Variants in RMDN2 observed in about 807,000 individuals in gnomAD.
The protein encoded by RMDN2 is regulator of microtubule dynamics 2.
RMDN2 carries 61 observed loss-of-function variants against 52.8 expected under a neutral mutation model. The ratio of observed to expected loss-of-function variants is 1.16; its 90% CI spans 0.94 to 1.43. RMDN2 has a LOEUF of 1.43. RMDN2 is among the 40% of genes most tolerant of loss of function. The pLI is 0.00. For synonymous variants in RMDN2, 180 were observed against 153.1 expected (o/e 1.18, Z -1.30); for missense variants, 592 against 475.3 (o/e 1.25, Z -2.28).
intron 2 of RMDN2, among the ~76,000 whole-genome samples, chr2:37,963,891 G>T (rs2125028555): frequency 7.6e-6 from 1 of 132,356 alleles, no homozygotes; most frequent in East Asian, 2.0e-4. Context: ...AGCAGGGGCG[G>T]CGGGGCAGAG....
rs573614789 is a variant in RMDN2, at chr2:38,003,580, A to G, written c.1045-411A>G. ...GATAGATAGATAGATAGATAGATAG[A>G]TAGATAGATAGATAGATAGATAGGC... On this transcript the variant is annotated intron_variant, in intron 8 of 10. Coordinates refer to ENST00000354545, the MANE Select transcript of RMDN2 (RefSeq NM_001170791.3). Among the ~76,000 whole-genome samples the G allele has an allele frequency of 3.9e-5, 6 of 151,902 alleles. No individual in the cohort carries two copies. In the East Asian group the frequency reaches 9.7e-4, roughly 25 times the overall value.
Position 37,981,348 on chromosome 2 carries a change from G to A in RMDN2, c.791+5G>A, listed in dbSNP as rs1194654604. On this transcript the variant is annotated splice_donor_5th_base_variant and intron_variant, in intron 5 of 10. Transcript: ENST00000354545. ...GAATGGACATTGTCATCTGTGGTAA[G>A]TGTATAGGATTTATGCAGTCTTTTA... The A allele has an allele frequency of 6.3e-7, 1 of 1,589,206 alleles. No individual in the cohort carries two copies. The highest frequency in any genetic ancestry group is 1.1e-5 in the South Asian group (1 of 90,500).
At chr2:37,981,476 C>A in intron 5 of RMDN2, 133 bp downstream of exon 5, 1 of 619,084 alleles carries the variant, frequency 1.6e-6, no homozygotes, top group Non-Finnish European at 2.9e-6. Flanking sequence ...TGTATAATAG[C>A]ACAGTAACTG....
At chr2:38,065,352 A>T (rs1427295731) in intron 10 of RMDN2, among the ~76,000 whole-genome samples, 1 of 152,104 alleles carries the variant, frequency 6.6e-6, no homozygotes, top group African/African-American at 2.4e-5. Context: ...AGAGAAACAA[A>T]TGTAAGGAAA....
At chr2:37,951,448 CTTTA>C (rs1668780693) in intron 2 of RMDN2, 4 of 1,612,396 alleles carry the variant, frequency 2.5e-6, no homozygotes, top group African/African-American at 1.3e-5. Flanking sequence ...AGAAGATATT[CTTTA>C]TTTGTTGGAT....
intron 2 of RMDN2, among the ~76,000 whole-genome samples, chr2:37,946,018 A>C (rs1038581957): frequency 1.3e-5 from 2 of 152,222 alleles, no homozygotes; most frequent in African/African-American, 4.8e-5. Context: ...TACCTTTTTA[A>C]GCCTAACGTA....
At chr2:38,066,888 C>T (rs1682306361) in intron 10 of RMDN2, 1 of 1,140,534 alleles carries the variant, frequency 8.8e-7, no homozygotes, top group Admixed American at 1.7e-5. Context: ...ACTCCATAGC[C>T]ATACCTTCTG....
At chr2:37,990,569 C>G (rs1438258306) in intron 6 of RMDN2, among the ~76,000 whole-genome samples, 1 of 113,644 alleles carries the variant, frequency 8.8e-6, no homozygotes, top group Non-Finnish European at 1.8e-5. Flanking sequence ...AGCTCAATAA[C>G]ATCTTAAGTG....
At chr2:38,001,194 C>T (rs987370239) in intron 8 of RMDN2, among the ~76,000 whole-genome samples, 2 of 152,176 alleles carry the variant, frequency 1.3e-5, no homozygotes, top group Admixed American at 1.3e-4. Context: ...GTTTATTAAG[C>T]ACATAACTAG....
At chr2:37,925,061 G>C (rs1420200578), upstream of RMDN2, among the ~76,000 whole-genome samples, 5 of 152,232 alleles carry the variant, frequency 3.3e-5, no homozygotes, top group African/African-American at 1.2e-4. Context: ...GGGCTAGCGC[G>C]GAGGCCCAGA....
At chr2:38,046,095 C>A (rs1237304459) in intron 10 of RMDN2, among the ~76,000 whole-genome samples, 2 of 152,148 alleles carry the variant, frequency 1.3e-5, no homozygotes, top group African/African-American at 2.4e-5. Context: ...CCACTCAGAC[C>A]AGAGATGGCC....
chr2:37,992,102 A>G (rs1437026324), intron 7 of RMDN2, among the ~76,000 whole-genome samples: 42 of 152,188 alleles, frequency 2.8e-4, no homozygotes, highest in Admixed American at 5.9e-4. Flanking sequence ...TTCTTGCTGC[A>G]TTTCATCCTT....
rs1558461766 is a variant in RMDN2, at chr2:37,952,018, A to G, written c.453-22022A>G. ...CATTCTCCAATCATGATTCCACAGC[A>G]TCCCTCTCAAAGTGGAACTTTCCCA... On this transcript the variant is annotated intron_variant, in intron 2 of 10. Transcript: ENST00000354545. 1 of 1,612,852 alleles carries G rather than the reference A, an allele frequency of 6.2e-7. No homozygotes were observed. The highest frequency in any genetic ancestry group is 8.5e-7 in the Non-Finnish European group (1 of 1,179,008).
chr2:38,020,441 G>A (rs1417018553), downstream of RMDN2, among the ~76,000 whole-genome samples: 5 of 152,332 alleles, frequency 3.3e-5, no homozygotes, highest in East Asian at 7.7e-4. Context: ...GCCCACCGCT[G>A]CACTGTGGGA....
chr2:37,987,085 A>G (rs531315707), intron 5 of RMDN2, among the ~76,000 whole-genome samples: 2 of 152,274 alleles, frequency 1.3e-5, no homozygotes, highest in Admixed American at 6.5e-5. Flanking sequence ...AATCTAAAAA[A>G]AAAATCTCTT....
chr2:37,955,751 C>T lies in RMDN2; in HGVS notation c.453-18289C>T, dbSNP rs148799692. 2.6e-3 allele frequency among the ~76,000 whole-genome samples: 392 copies of T among 152,244 alleles called. 1 individual carries two copies. The highest frequency in any genetic ancestry group is 6.8e-3 in the Admixed American group (104 of 15,276). On this transcript the variant is annotated intron_variant, in intron 2 of 10. Transcript: ENST00000354545. The stretch of plus-strand genomic sequence containing the variant: ...TCCTGCCATGATTCTGAGGCCTCCC[C>T]AGCTATGTGGAACTGTAAGTCCAAT...
At chr2:38,024,083 T>C (rs1679591247) in intron 10 of RMDN2, among the ~76,000 whole-genome samples, 1 of 152,146 alleles carries the variant, frequency 6.6e-6, no homozygotes, top group Admixed American at 6.6e-5. Flanking sequence ...CATAATTATT[T>C]TGGGACTCAT....
chr2:38,061,636 C>CAA (rs556465457), intron 10 of RMDN2, among the ~76,000 whole-genome samples: 418 of 134,874 alleles, frequency 3.1e-3, no homozygotes, highest in Middle Eastern at 7.6e-3. Flanking sequence ...ACACACAGTA[C>CAA]ACACACACAC....
At chr2:38,019,941 AT>A (rs139134589), downstream of RMDN2, among the ~76,000 whole-genome samples, 3,268 of 152,148 alleles carry the variant, frequency 0.021, 106 homozygotes, top group African/African-American at 0.067. Context: ...TTTCAAAAAA[AT>A]TTTTTTTAAT....
Sources: gnomAD v4.1 joint callset for allele counts (sites outside exome capture counted in the v4.1 genomes callset) on GRCh38, gnomAD v4.1.1 for gene constraint, MANE v1.5 for transcripts, NCBI Gene and HGNC (gene_info 2026-07-23, HGNC 2026-07-21) for gene names.